SLC9C1: variants seen among roughly 807,000 people sequenced by gnomAD.
The protein encoded by SLC9C1 is sodium/hydrogen exchanger 10.
In SLC9C1, 97 loss-of-function variants were observed where a neutral mutation model predicts 140.9. The observed-to-expected ratio is 0.69, with a 90% CI of 0.58 to 0.82. The LOEUF (loss-of-function observed/expected upper bound fraction) is 0.82, where lower values mean the gene tolerates loss of function less well. Among genes scored for constraint, SLC9C1 ranks in the 40% least tolerant of loss-of-function variants. The probability of loss-of-function intolerance (pLI) is 0.00; values close to 1 mark genes in which losing one functional copy is unlikely to be tolerated. For synonymous variants in SLC9C1, 440 were observed against 442.6 expected, an observed-to-expected ratio of 0.99 and a Z score of 0.07; for missense variants, 1,340 against 1,389.3, an observed-to-expected ratio of 0.96 and a Z score of 0.56.
intron 20 of SLC9C1, among the ~76,000 whole-genome samples, chr3:112,192,258 C>A (rs2077678748): frequency 6.6e-6 from 1 of 152,102 alleles, no homozygotes; most frequent in African/African-American, 2.4e-5. Flanking sequence ...AACAATAATT[C>A]CCCATTTCAA....
At chr3:112,144,394 G>A (rs1355253938) in intron 28 of SLC9C1, among the ~76,000 whole-genome samples, 1 of 151,834 alleles carries the variant, frequency 6.6e-6, no homozygotes, top group African/African-American at 2.4e-5. Flanking sequence ...GGCCAGGCTG[G>A]TCCCAAACTC....
intron 8 of SLC9C1, among the ~76,000 whole-genome samples, chr3:112,265,736 G>T (rs555484855): frequency 1.3e-5 from 2 of 152,132 alleles, no homozygotes; most frequent in African/African-American, 2.4e-5. Context: ...ATTTAGTGTG[G>T]TCATACTTTC....
chr3:112,163,699 G>T (rs1180698284), intron 26 of SLC9C1, among the ~76,000 whole-genome samples: 1 of 151,990 alleles, frequency 6.6e-6, no homozygotes, highest in Non-Finnish European at 1.5e-5. Flanking sequence ...CCAGTATGTG[G>T]TCAATTTTGG....
Position 112,275,013 on chromosome 3 carries a change from C to T in SLC9C1, c.497G>A (p.Ser166Asn). 1 of 1,569,036 alleles carries T rather than the reference C, an allele frequency of 6.4e-7. No homozygotes were observed. Among genetic ancestry groups the T allele is most frequent in the Non-Finnish European group, 8.6e-7 (1 of 1,166,492 alleles). The stretch of plus-strand genomic sequence containing the variant: ...TTCTCCATTAATTAAACTGATGAGG[C>T]TTCTAGAAAGCCCTACATATGTTGA... Reference protein sequence around the residue: ...AAIRDLGLSRSLISLINGESL... With the variant: ...AAIRDLGLSRNLISLINGESL... Residue 166 changes from serine to asparagine, a missense_variant, in exon 6 of 29, where the codon AGC becomes AAC. Physicochemically the swap from Ser to Asn is conservative, Grantham distance 46. Coordinates refer to ENST00000305815, the MANE Select transcript of SLC9C1 (RefSeq NM_183061.3).
At chr3:112,235,754 T>A (rs2078966849) in intron 12 of SLC9C1, among the ~76,000 whole-genome samples, 1 of 152,230 alleles carries the variant, frequency 6.6e-6, no homozygotes, top group African/African-American at 2.4e-5. Flanking sequence ...TGGTTCTGTT[T>A]ATATGCTGGA....
At chr3:112,151,529 C>CT in intron 28 of SLC9C1, 1 of 523,818 alleles carries the variant, frequency 1.9e-6, no homozygotes, top group South Asian at 1.4e-5. Context: ...CATAACTTAT[C>CT]TTTTTATATC....
intron 28 of SLC9C1, among the ~76,000 whole-genome samples, chr3:112,150,585 C>G (rs1417637610): frequency 2.0e-5 from 3 of 151,880 alleles, no homozygotes; most frequent in Middle Eastern, 3.2e-3. Flanking sequence ...TATGCACTAT[C>G]TTGCTACTTC....
intron 20 of SLC9C1, among the ~76,000 whole-genome samples, chr3:112,184,790 G>C (rs1350790279): frequency 6.6e-6 from 1 of 152,214 alleles, no homozygotes; most frequent in African/African-American, 2.4e-5. Context: ...TGATGCCACT[G>C]ACTCAAAGCT....
At chr3:112,159,300 A>T (rs1425735796) in intron 26 of SLC9C1, among the ~76,000 whole-genome samples, 1 of 151,958 alleles carries the variant, frequency 6.6e-6, no homozygotes, top group Non-Finnish European at 1.5e-5. Flanking sequence ...CACGTATTTA[A>T]AAAAACTTTC....
intron 2 of SLC9C1, among the ~76,000 whole-genome samples, chr3:112,283,512 T>C (rs1191491964): frequency 6.6e-6 from 1 of 151,432 alleles, no homozygotes; most frequent in Non-Finnish European, 1.5e-5. Context: ...CTTTGTTCTA[T>C]GCAAATCCTA....
intron 20 of SLC9C1, among the ~76,000 whole-genome samples, chr3:112,193,882 T>C (rs1406906671): frequency 6.6e-6 from 1 of 152,022 alleles, no homozygotes; most frequent in Non-Finnish European, 1.5e-5. Flanking sequence ...TTTCCTGCTA[T>C]GTGGGACCAG....
intron 5 of SLC9C1, among the ~76,000 whole-genome samples, chr3:112,275,835 T>C (rs1468549439): frequency 1.3e-5 from 2 of 152,178 alleles, no homozygotes; most frequent in African/African-American, 4.8e-5. Context: ...CCTGTATCTA[T>C]GCCCTTCGCT....
At chr3:112,276,566 G>T (rs2080220570) in intron 5 of SLC9C1, among the ~76,000 whole-genome samples, 1 of 151,814 alleles carries the variant, frequency 6.6e-6, no homozygotes, top group African/African-American at 2.4e-5. Context: ...ATGGCAAGAT[G>T]GACAAAATTT....
chr3:112,284,670 G>A (rs948644426), intron 2 of SLC9C1, among the ~76,000 whole-genome samples: 2 of 152,170 alleles, frequency 1.3e-5, no homozygotes, highest in African/African-American at 4.8e-5. Context: ...AGTGATGCCA[G>A]CAAAAAACTT....
chr3:112,280,324 A>G (rs1576516219), intron 3 of SLC9C1, among the ~76,000 whole-genome samples: 1 of 152,230 alleles, frequency 6.6e-6, no homozygotes. Context: ...TTTGCTACTC[A>G]AGTCCTGTAC....
At chr3:112,216,216 T>C (rs2078363475) in intron 15 of SLC9C1, among the ~76,000 whole-genome samples, 1 of 152,172 alleles carries the variant, frequency 6.6e-6, no homozygotes, top group Admixed American at 6.5e-5. Context: ...CAAGATGGAT[T>C]AAAGACTTAA....
Position 112,278,823 on chromosome 3 carries a change from C to T in SLC9C1, c.224G>A (p.Ser75Asn). ...AAATATACGAAAAAATAAGTCTGGA[C>T]TCATCCATTGTATGGCGTTTGCGTA... ...QRYANAIQWM[S>N]PDLFFRIFTP... Residue 75 changes from serine to asparagine, a missense_variant, in exon 4 of 29, where the codon AGT becomes AAT. Coordinates refer to ENST00000305815, the MANE Select transcript of SLC9C1 (RefSeq NM_183061.3). The T allele has an allele frequency of 3.1e-6, 5 of 1,607,914 alleles. No individual in the cohort carries two copies. Among genetic ancestry groups the T allele is most frequent in the Non-Finnish European group, 4.2e-6 (5 of 1,178,034 alleles).
At chr3:112,222,877 T>C (rs1429246054) in intron 13 of SLC9C1, among the ~76,000 whole-genome samples, 1 of 152,134 alleles carries the variant, frequency 6.6e-6, no homozygotes, top group African/African-American at 2.4e-5. Context: ...TAAAAATCAT[T>C]CCTTTGTCTT....
intron 25 of SLC9C1, 130 bp from the exon 26 acceptor site, chr3:112,167,477 AAATAAGATT>A (rs1357387469): frequency 1.2e-6 from 1 of 854,732 alleles, no homozygotes; most frequent in African/African-American, 1.7e-5. Context: ...AAATCAACAC[AAATAAGATT>A]AATATCTTAA....
Sources: gnomAD v4.1 joint callset for allele counts (sites outside exome capture counted in the v4.1 genomes callset) on GRCh38, gnomAD v4.1.1 for gene constraint, MANE v1.5 for transcripts, NCBI Gene and HGNC (gene_info 2026-07-23, HGNC 2026-07-21) for gene names.